WDR70: variants seen among roughly 807,000 people sequenced by gnomAD.
WDR70 encodes the protein WD repeat-containing protein 70.
In WDR70, 53 loss-of-function variants were observed where a neutral mutation model predicts 88.6. The observed-to-expected ratio is 0.60, with a 90% CI of 0.48 to 0.75. The LOEUF (loss-of-function observed/expected upper bound fraction) is 0.75, where lower values mean the gene tolerates loss of function less well. Among genes scored for constraint, WDR70 ranks in the 30% least tolerant of loss-of-function variants. WDR70 has a pLI of 0.00. For synonymous variants in WDR70, 280 were observed against 270.0 expected (o/e 1.04, Z -0.36); for missense variants, 610 against 823.2 (o/e 0.74, Z 3.17).
chr5:37,524,751 G>A (rs1380565005), intron 9 of WDR70, among the ~76,000 whole-genome samples: 1 of 152,152 alleles, frequency 6.6e-6, no homozygotes, highest in African/African-American at 2.4e-5. Flanking sequence ...CACGTGCAGA[G>A]ACACACATAG....
At chr5:37,523,160 CT>C (rs1177332854) in intron 9 of WDR70, among the ~76,000 whole-genome samples, 2 of 152,210 alleles carry the variant, frequency 1.3e-5, no homozygotes, top group African/African-American at 4.8e-5. Context: ...AGTTTGAGAT[CT>C]GAGAATGAAC....
At chr5:37,610,633 A>G (rs1476570196) in intron 10 of WDR70, among the ~76,000 whole-genome samples, 3 of 152,126 alleles carry the variant, frequency 2.0e-5, no homozygotes, top group African/African-American at 7.2e-5. Context: ...CTCTCACCTC[A>G]CTGAGAATAA....
intron 10 of WDR70, among the ~76,000 whole-genome samples, chr5:37,616,019 A>G (rs188472265): frequency 6.6e-6 from 1 of 152,310 alleles, no homozygotes; most frequent in Non-Finnish European, 1.5e-5. Flanking sequence ...AGTACTTGTC[A>G]TATGCTGAAT....
chr5:37,494,120 G>A (rs1740147692), intron 8 of WDR70, among the ~76,000 whole-genome samples: 1 of 152,142 alleles, frequency 6.6e-6, no homozygotes, highest in East Asian at 1.9e-4. Flanking sequence ...CGTCTGGCTG[G>A]AGTACTTTTG....
intron 9 of WDR70, among the ~76,000 whole-genome samples, chr5:37,532,478 T>G (rs1741526388): frequency 6.6e-6 from 1 of 152,166 alleles, no homozygotes; most frequent in African/African-American, 2.4e-5. Flanking sequence ...TCTTTGTCCT[T>G]GATGGATTGG....
intron 9 of WDR70, among the ~76,000 whole-genome samples, chr5:37,589,802 A>C (rs963704055): frequency 1.3e-5 from 2 of 152,060 alleles, no homozygotes; most frequent in South Asian, 2.1e-4. Flanking sequence ...GGGTTTCGCC[A>C]TGTTGCCCAG....
At chr5:37,505,743 C>G (rs987974677) in intron 8 of WDR70, 2 of 1,326,328 alleles carry the variant, frequency 1.5e-6, no homozygotes, top group Non-Finnish European at 2.2e-6. Context: ...AAATATAGCT[C>G]CCTACACGTT....
chr5:37,421,179 A>T (rs1749934982), intron 5 of WDR70, among the ~76,000 whole-genome samples: 1 of 152,118 alleles, frequency 6.6e-6, no homozygotes, highest in African/African-American at 2.4e-5. Flanking sequence ...AAATTTAGGG[A>T]AGCTACTCCA....
At position 37,701,144 on chromosome 5, in the gene WDR70, TA is replaced by T; in HGVS notation, c.1277+4del. 6.3e-7 allele frequency: 1 copy of T among 1,576,120 alleles called. No individual in the cohort carries two copies. The highest frequency in any genetic ancestry group is 8.7e-7 in the Non-Finnish European group (1 of 1,146,008). ...GGGTCTTCCCACCATGTTCCCAATG[TA>T]AGTAGCATATTTTAAATATTTGATC... On this transcript the variant is annotated splice_donor_region_variant and intron_variant, in intron 12 of 17. Coordinates refer to ENST00000265107, the MANE Select transcript of WDR70 (RefSeq NM_018034.4).
intron 10 of WDR70, among the ~76,000 whole-genome samples, chr5:37,672,925 G>A (rs549924610): frequency 1.6e-4 from 24 of 152,286 alleles, no homozygotes; most frequent in African/African-American, 5.3e-4. Context: ...AGGGCTACAT[G>A]TGCAGGTTTG....
intron 10 of WDR70, among the ~76,000 whole-genome samples, chr5:37,678,913 TG>T (rs1387025462): frequency 6.6e-6 from 1 of 152,252 alleles, no homozygotes; most frequent in Non-Finnish European, 1.5e-5. Flanking sequence ...CCATATTTCT[TG>T]GAGGCTTTGT....
chr5:37,609,423 AG>A (rs1744125632), intron 10 of WDR70, among the ~76,000 whole-genome samples: 1 of 152,220 alleles, frequency 6.6e-6, no homozygotes, highest in South Asian at 2.1e-4. Context: ...AATATCTATC[AG>A]GAATCTACAA....
At chr5:37,711,102 G>A (rs143861065) in intron 13 of WDR70, among the ~76,000 whole-genome samples, 3 of 152,184 alleles carry the variant, frequency 2.0e-5, no homozygotes, top group Admixed American at 6.5e-5. Flanking sequence ...ATGTGCTTAG[G>A]AGGAAGCTTC....
intron 7 of WDR70, among the ~76,000 whole-genome samples, chr5:37,477,919 C>T (rs73749044): frequency 2.0e-5 from 3 of 152,258 alleles, no homozygotes; most frequent in African/African-American, 7.2e-5. Context: ...TTGCCCATAT[C>T]CCCTGGGACT....
chr5:37,415,831 C>T (rs71370413), intron 5 of WDR70, among the ~76,000 whole-genome samples: 16 of 149,050 alleles, frequency 1.1e-4, no homozygotes, highest in Non-Finnish European at 1.6e-4. Context: ...ACCTCCCAGA[C>T]GGGGTCGCGG....
At chr5:37,699,394 T>C (rs1561078830) in intron 11 of WDR70, among the ~76,000 whole-genome samples, 5 of 4,386 alleles carry the variant, frequency 1.1e-3, no homozygotes, top group African/African-American at 1.9e-3. Flanking sequence ...TATGTGTGTA[T>C]ATATATATAC....
At position 37,680,629 on chromosome 5, in the gene WDR70, C is replaced by G. The variant is rs1033204710; in HGVS notation, c.1093-17026C>G. Among the ~76,000 whole-genome samples the G allele has an allele frequency of 9.2e-5, 14 of 152,168 alleles. No individual in the cohort carries two copies. In the East Asian group the frequency reaches 2.7e-3, roughly 29 times the overall value. On this transcript the variant is annotated intron_variant, in intron 10 of 17. Coordinates refer to ENST00000265107, the MANE Select transcript of WDR70 (RefSeq NM_018034.4). ...GTTTTCTGCATATGGCTAGCCAGTT[C>G]TCCTAGCGCTATTTATTAAATAGGG...
chr5:37,633,328 T>C (rs1039328221), intron 10 of WDR70, among the ~76,000 whole-genome samples: 5 of 152,152 alleles, frequency 3.3e-5, no homozygotes, highest in African/African-American at 1.2e-4. Context: ...AAATAATATG[T>C]CAAGCCCATG....
intron 7 of WDR70, among the ~76,000 whole-genome samples, chr5:37,449,589 T>C (rs1298320950): frequency 6.6e-5 from 1 of 15,046 alleles, no homozygotes; most frequent in Non-Finnish European, 2.3e-4. Context: ...AAATTTTGTC[T>C]CAAAAAAAAA....
Sources: allele counts gnomAD v4.1 joint callset (sites outside exome capture counted in the v4.1 genomes callset), GRCh38; gene constraint gnomAD v4.1.1; transcripts MANE v1.5; gene names NCBI Gene and HGNC (gene_info 2026-07-23, HGNC 2026-07-21).